Variants in ULK4 observed in about 807,000 individuals in gnomAD.
ULK4 encodes inactive serine/threonine-protein kinase ULK4.
Under a neutral mutation model 160.6 loss-of-function variants are expected in ULK4, and 133 were observed. The observed-to-expected ratio is 0.83, with a 90% confidence interval of 0.72 to 0.96. ULK4 has a LOEUF of 0.96. Ranked by LOEUF, ULK4 falls within the 40% of genes least tolerant of loss-of-function variation. The pLI is 0.00. For synonymous variants in ULK4, 534 were observed against 539.8 expected (o/e 0.99, Z 0.15); for missense variants, 1,580 against 1,499.5 (o/e 1.05, Z -0.89).
At chr3:41,831,531 A>ATATATATATATATTTT in intron 18 of ULK4, among the ~76,000 whole-genome samples, 1 of 138,128 alleles carries the variant, frequency 7.2e-6, no homozygotes, top group African/African-American at 2.8e-5. Flanking sequence ...ATATATATAT[A>ATATATATATATATTTT]TTTTTTTTTC....
intron 30 of ULK4, among the ~76,000 whole-genome samples, chr3:41,662,940 G>A (rs1422075951): frequency 1.3e-5 from 2 of 152,054 alleles, no homozygotes; most frequent in East Asian, 3.9e-4. Context: ...AAGTATGTCG[G>A]CCGGGCGGGG....
intron 30 of ULK4, among the ~76,000 whole-genome samples, chr3:41,632,833 T>C (rs951464708): frequency 1.3e-5 from 2 of 151,726 alleles, no homozygotes; most frequent in Non-Finnish European, 2.9e-5. Context: ...AAGTGGCAAG[T>C]AGAGGGGCTG....
intron 30 of ULK4, among the ~76,000 whole-genome samples, chr3:41,627,832 G>A (rs377030761): frequency 2.0e-5 from 3 of 152,170 alleles, no homozygotes; most frequent in African/African-American, 4.8e-5. Context: ...GGAGGTGTTC[G>A]TGAGCCTTGA....
intron 21 of ULK4, among the ~76,000 whole-genome samples, chr3:41,776,237 C>T (rs902347441): frequency 3.3e-5 from 5 of 151,034 alleles, no homozygotes; most frequent in Admixed American, 1.3e-4. Context: ...CCAATTTCTT[C>T]TTCTATAAAG....
intron 32 of ULK4, among the ~76,000 whole-genome samples, chr3:41,492,609 T>C (rs1028047895): frequency 2.0e-5 from 3 of 150,960 alleles, no homozygotes; most frequent in African/African-American, 4.9e-5. Flanking sequence ...GACTAAATGC[T>C]CCAATTAAAA....
At chr3:41,829,871 C>A (rs1559588920) in intron 18 of ULK4, among the ~76,000 whole-genome samples, 1 of 149,254 alleles carries the variant, frequency 6.7e-6, no homozygotes, top group Non-Finnish European at 1.5e-5. Flanking sequence ...GCATTATTCA[C>A]AATAGCAAAG....
intron 22 of ULK4, among the ~76,000 whole-genome samples, chr3:41,743,507 A>G (rs540634812): frequency 9.2e-5 from 14 of 151,926 alleles, no homozygotes; most frequent in Non-Finnish European, 2.1e-4. Context: ...GGTTAAGAAT[A>G]TAAAAAAAGA....
intron 19 of ULK4, among the ~76,000 whole-genome samples, chr3:41,807,810 C>G (rs962882505): frequency 5.9e-5 from 9 of 152,180 alleles, no homozygotes; most frequent in Non-Finnish European, 1.0e-4. Context: ...TTCCCATTCC[C>G]ATTTCCTTCA....
At chr3:41,527,719 G>A (rs1412594514) in intron 32 of ULK4, among the ~76,000 whole-genome samples, 5 of 152,074 alleles carry the variant, frequency 3.3e-5, no homozygotes, top group Non-Finnish European at 5.9e-5. Context: ...ACCTTTTCAT[G>A]AGTATAAAAA....
chr3:41,789,230 T>G (rs1263195360), intron 21 of ULK4, among the ~76,000 whole-genome samples: 2 of 152,072 alleles, frequency 1.3e-5, no homozygotes, highest in Non-Finnish European at 2.9e-5. Context: ...AAAAACAGAA[T>G]GGGGGCTCTA....
intron 31 of ULK4, among the ~76,000 whole-genome samples, chr3:41,598,191 C>T (rs924955626): frequency 6.6e-6 from 1 of 152,162 alleles, no homozygotes; most frequent in Non-Finnish European, 1.5e-5. Flanking sequence ...AGCCACCAGA[C>T]GGAGTTGGAA....
chr3:41,668,915 C>T (rs907987079), intron 29 of ULK4, among the ~76,000 whole-genome samples: 3 of 152,014 alleles, frequency 2.0e-5, no homozygotes, highest in Non-Finnish European at 2.9e-5. Context: ...TTCTCAATGG[C>T]AAAACCACCA....
chr3:41,272,720 C>T (rs1271815886), intron 35 of ULK4, among the ~76,000 whole-genome samples: 2 of 152,070 alleles, frequency 1.3e-5, no homozygotes, highest in South Asian at 2.1e-4. Context: ...CATTCTCCCT[C>T]TTTCATTAGC....
intron 30 of ULK4, among the ~76,000 whole-genome samples, chr3:41,662,490 T>C (rs1403619668): frequency 2.6e-5 from 4 of 152,150 alleles, no homozygotes; most frequent in African/African-American, 7.2e-5. Context: ...GGGATGAGTG[T>C]TTTGGATATG....
intron 30 of ULK4, among the ~76,000 whole-genome samples, chr3:41,624,268 G>A (rs548504034): frequency 2.0e-5 from 3 of 152,244 alleles, no homozygotes; most frequent in Admixed American, 6.5e-5. Flanking sequence ...TATTAGGCCT[G>A]GGCTAAAATA....
At chr3:41,467,470 T>G (rs1257649150) in intron 32 of ULK4, among the ~76,000 whole-genome samples, 1 of 152,144 alleles carries the variant, frequency 6.6e-6, no homozygotes, top group Non-Finnish European at 1.5e-5. Context: ...GAAGTTGTAG[T>G]GAGCTGAGAT....
chr3:41,767,701 T>A (rs935625146), intron 21 of ULK4, among the ~76,000 whole-genome samples: 1 of 152,176 alleles, frequency 6.6e-6, no homozygotes, highest in African/African-American at 2.4e-5. Flanking sequence ...AGTGTTGGAA[T>A]GGTCATAGGT....
intron 21 of ULK4, among the ~76,000 whole-genome samples, chr3:41,784,342 G>A (rs1366860227): frequency 1.3e-5 from 2 of 152,034 alleles, no homozygotes; most frequent in African/African-American, 4.8e-5. Flanking sequence ...CCTGAGGCAG[G>A]AGAATCGCTT....
At chr3:41,284,522 T>A (rs1390905080) in intron 35 of ULK4, among the ~76,000 whole-genome samples, 2 of 152,208 alleles carry the variant, frequency 1.3e-5, no homozygotes, top group African/African-American at 2.4e-5. Context: ...CAAATGGTGC[T>A]GGGATAACTG....
Sources: allele counts gnomAD v4.1 joint callset (sites outside exome capture counted in the v4.1 genomes callset), GRCh38; gene constraint gnomAD v4.1.1; transcripts MANE v1.5; gene names NCBI Gene and HGNC (gene_info 2026-07-23, HGNC 2026-07-21).